Variants in DPT observed in about 807,000 individuals in gnomAD.
DPT encodes tyrosine-rich acidic matrix protein.
A neutral mutation model predicts 31.2 loss-of-function variants in DPT; 21 were observed. The observed-to-expected ratio is 0.67, with a 90% CI of 0.48 to 0.97. The LOEUF (loss-of-function observed/expected upper bound fraction) is 0.97. DPT is among the 50% of genes least tolerant of loss of function. The probability of loss-of-function intolerance (pLI) is 0.00; values close to 1 mark genes in which losing one functional copy is unlikely to be tolerated. For missense variants in DPT, 262 were observed against 258.8 expected, an observed-to-expected ratio of 1.01 and a Z score of -0.08; for synonymous variants, 91 against 86.9, an observed-to-expected ratio of 1.05 and a Z score of -0.26.
At chr1:168,718,532 G>T (rs996861373) in intron 1 of DPT, among the ~76,000 whole-genome samples, 1 of 152,198 alleles carries the variant, frequency 6.6e-6, no homozygotes, top group African/African-American at 2.4e-5. Context: ...GCCTGTTCAG[G>T]AGTTTGGTAT....
At chr1:168,706,882 A>G (rs930383448) in intron 2 of DPT, among the ~76,000 whole-genome samples, 1 of 152,120 alleles carries the variant, frequency 6.6e-6, no homozygotes, top group Non-Finnish European at 1.5e-5. Context: ...ACTCGTGTTG[A>G]TTTTCATTAG....
intron 1 of DPT, among the ~76,000 whole-genome samples, chr1:168,724,372 G>A (rs545644207): frequency 2.6e-5 from 4 of 152,336 alleles, no homozygotes; most frequent in East Asian, 1.9e-4. Flanking sequence ...GCCTCCTTGC[G>A]GAGGGCCGTG....
intron 2 of DPT, among the ~76,000 whole-genome samples, chr1:168,701,702 A>T (rs1014351299): frequency 9.9e-5 from 15 of 152,214 alleles, no homozygotes; most frequent in African/African-American, 2.9e-4. Context: ...TATTTAATTA[A>T]AATGTAAGCT....
At chr1:168,707,677 C>T (rs1294641566) in intron 2 of DPT, among the ~76,000 whole-genome samples, 1 of 152,186 alleles carries the variant, frequency 6.6e-6, no homozygotes, top group Non-Finnish European at 1.5e-5. Flanking sequence ...GTAATTTAAT[C>T]AAGAGGACGG....
At position 168,696,383 on chromosome 1, in the gene DPT, A is replaced by T; in HGVS notation, c.*166T>A. 2 of 605,894 alleles carry T rather than the reference A, an allele frequency of 3.3e-6. No individual in the cohort carries two copies. Among genetic ancestry groups the T allele is most frequent in the Non-Finnish European group, 5.9e-6 (2 of 340,624 alleles). The allele number at this position is 605,894 out of a possible 1,614,324, so 37.5% of individuals were successfully genotyped here. Reference sequence around the variant, plus strand: ...AATTGTGGATTTTATTAGAAGTGTGATACTAGTCAGAAAGGCCCAGGAAGT... The same window carrying T: ...AATTGTGGATTTTATTAGAAGTGTGTTACTAGTCAGAAAGGCCCAGGAAGT... On this transcript the variant is annotated 3_prime_UTR_variant, in exon 4 of 4. Transcript: ENST00000367817.
At chr1:168,708,699 A>T (rs1295377402) in intron 2 of DPT, among the ~76,000 whole-genome samples, 1 of 151,984 alleles carries the variant, frequency 6.6e-6, no homozygotes, top group African/African-American at 2.4e-5. Context: ...ACCTAATGGA[A>T]GCTGCTCTTC....
intron 3 of DPT, among the ~76,000 whole-genome samples, chr1:168,699,725 A>G (rs947178913): frequency 2.6e-5 from 4 of 152,164 alleles, no homozygotes; most frequent in African/African-American, 9.6e-5. Flanking sequence ...ATACTATCTA[A>G]TGAGTTAATG....
chr1:168,705,901 T>A (rs1229637473), intron 2 of DPT, among the ~76,000 whole-genome samples: 1 of 152,180 alleles, frequency 6.6e-6, no homozygotes, highest in Non-Finnish European at 1.5e-5. Flanking sequence ...AAATGAGAGT[T>A]TCCCTGCACA....
chr1:168,708,127 A>T (rs1358366992), intron 2 of DPT, among the ~76,000 whole-genome samples: 1 of 152,336 alleles, frequency 6.6e-6, no homozygotes, highest in East Asian at 1.9e-4. Context: ...TGCAAATGCT[A>T]TGTGAGTAGT....
intron 3 of DPT, among the ~76,000 whole-genome samples, chr1:168,700,556 A>G (rs1572623861): frequency 6.6e-6 from 1 of 152,092 alleles, no homozygotes; most frequent in Non-Finnish European, 1.5e-5. Context: ...CATTTTGACA[A>G]TGGGCACTCC....
chr1:168,703,021 A>G (rs1176782064), intron 2 of DPT, among the ~76,000 whole-genome samples: 2 of 152,170 alleles, frequency 1.3e-5, no homozygotes, highest in Non-Finnish European at 2.9e-5. Context: ...AAGGAAAGAG[A>G]GGTTTGTTGA....
At position 168,729,199 on chromosome 1, in the gene DPT, T is replaced by C. The variant is rs765239731; in HGVS notation, c.-25A>G. On this transcript the variant is annotated 5_prime_UTR_variant, in exon 1 of 4. Coordinates refer to ENST00000367817, the MANE Select transcript of DPT (RefSeq NM_001937.5). ...TGCTGCCTGGGATTTTGGCAAACAA[T>C]GTCACTCTAAGATTGCTGGTCTGAC... 1 of 1,603,428 alleles carries C rather than the reference T, an allele frequency of 6.2e-7. No homozygotes were observed.
intron 1 of DPT, among the ~76,000 whole-genome samples, chr1:168,726,870 G>A (rs938449705): frequency 6.6e-6 from 1 of 152,216 alleles, no homozygotes; most frequent in African/African-American, 2.4e-5. Flanking sequence ...AACTAAATCT[G>A]CTCACCAGAG....
intron 2 of DPT, among the ~76,000 whole-genome samples, chr1:168,703,762 A>T (rs1364182934): frequency 6.6e-6 from 1 of 152,230 alleles, no homozygotes; most frequent in African/African-American, 2.4e-5. Flanking sequence ...TTTATGAAAT[A>T]AAAATACCAA....
At chr1:168,716,138 GTCA>G (rs1649982810) in intron 1 of DPT, among the ~76,000 whole-genome samples, 1 of 152,084 alleles carries the variant, frequency 6.6e-6, no homozygotes, top group African/African-American at 2.4e-5. Flanking sequence ...TTACTTGTCT[GTCA>G]TCAGAAATCA....
chr1:168,728,978 T>G lies in DPT; in HGVS notation c.197A>C (p.Lys66Thr). Residue 66 changes from lysine to threonine, a missense_variant, in exon 1 of 4, where the codon AAG (lysine) becomes ACG (threonine). Transcript: ENST00000367817. The part of the protein sequence containing the change: ...IVAVRSIFSK[K>T]EGSDRQWNYA... ...GTTCCATTGTCTGTCAGAACCTTCC[T>G]TCTTGCTGAAGATGCTCCTCACGGC... 1 of 1,614,234 alleles carries G rather than the reference T, an allele frequency of 6.2e-7. No homozygotes were observed.
chr1:168,725,205 T>TTTCCTTTCA (rs1198966110), intron 1 of DPT, among the ~76,000 whole-genome samples: 1 of 140,168 alleles, frequency 7.1e-6, no homozygotes, highest in Non-Finnish European at 1.6e-5. Flanking sequence ...TTTGCTTTTC[T>TTTCCTTTCA]TTCCTTTCCA....
intron 2 of DPT, among the ~76,000 whole-genome samples, chr1:168,703,831 A>G (rs186701980): frequency 5.3e-5 from 8 of 152,248 alleles, no homozygotes; most frequent in Non-Finnish European, 1.2e-4. Context: ...ATCCATAGGA[A>G]GAACTATTGA....
intron 2 of DPT, among the ~76,000 whole-genome samples, chr1:168,712,681 G>A (rs1649894586): frequency 1.3e-5 from 2 of 152,034 alleles, no homozygotes; most frequent in South Asian, 2.1e-4. Flanking sequence ...AAACAGTTCT[G>A]GCATCTGGAT....
Sources: gnomAD v4.1 joint callset for allele counts (sites outside exome capture counted in the v4.1 genomes callset) on GRCh38, gnomAD v4.1.1 for gene constraint, MANE v1.5 for transcripts, NCBI Gene and HGNC (gene_info 2026-07-23, HGNC 2026-07-21) for gene names.